Variants in BPIFB1 observed in about 807,000 individuals in gnomAD.
BPIFB1 encodes BPI fold containing family B member 1, also known as BPI fold-containing family B member 1.
A neutral mutation model predicts 55.1 loss-of-function variants in BPIFB1; 34 were observed. The observed-to-expected ratio is 0.62, with a 90% CI of 0.47 to 0.82. The LOEUF (loss-of-function observed/expected upper bound fraction) is 0.82, where lower values mean the gene tolerates loss of function less well. BPIFB1 is among the 40% of genes least tolerant of loss of function. The pLI, the probability that BPIFB1 is intolerant of heterozygous loss-of-function variation, is 0.00. For missense variants in BPIFB1, 532 were observed against 593.1 expected, an observed-to-expected ratio of 0.90 and a Z score of 1.07; for synonymous variants, 236 against 245.3, an observed-to-expected ratio of 0.96 and a Z score of 0.35.
intron 7 of BPIFB1, chr20:33,299,331 G>T (rs192894232): frequency 2.0e-4 from 77 of 381,470 alleles, no homozygotes; most frequent in South Asian, 5.3e-4. Context: ...GAATTCTGAC[G>T]CGAACACGAG....
intron 6 of BPIFB1, 53 bp downstream of exon 6, chr20:33,292,041 C>A: frequency 6.5e-7 from 1 of 1,540,008 alleles, no homozygotes; most frequent in Non-Finnish European, 9.0e-7. Flanking sequence ...CCCTGTGGGG[C>A]TTGGGTGGAA....
chr20:33,298,412 C>T (rs756570457), intron 7 of BPIFB1, among the ~76,000 whole-genome samples: 9 of 152,128 alleles, frequency 5.9e-5, no homozygotes, highest in Non-Finnish European at 1.0e-4. Flanking sequence ...TGGAAACTGG[C>T]GGAGAAGAAG....
intron 4 of BPIFB1, among the ~76,000 whole-genome samples, chr20:33,290,710 G>C (rs4911312): frequency 6.6e-6 from 1 of 152,198 alleles, no homozygotes; most frequent in Non-Finnish European, 1.5e-5. Flanking sequence ...TGAGAAGCCC[G>C]TGAGACATCG....
intron 14 of BPIFB1, chr20:33,306,643 A>C (rs1981035697): frequency 4.1e-6 from 2 of 483,240 alleles, no homozygotes. Flanking sequence ...TGCTGGGGAT[A>C]ATGGGAGCCC....
At chr20:33,299,048 T>A (rs1247060223) in intron 7 of BPIFB1, 1 of 396,018 alleles carries the variant, frequency 2.5e-6, no homozygotes, top group South Asian at 1.8e-5. Flanking sequence ...ATGCTCATCG[T>A]CTCTATGTCC....
intron 9 of BPIFB1, 36 bp from the exon 10 acceptor site, chr20:33,302,323 C>A: frequency 6.2e-7 from 1 of 1,611,488 alleles, no homozygotes; most frequent in Non-Finnish European, 8.5e-7. Context: ...TCCCTGTGCC[C>A]TCCAACTGAC....
chr20:33,291,926 G>A lies in BPIFB1; in HGVS notation c.535G>A (p.Ala179Thr), dbSNP rs1318132308. ...LLHKLSFLVN[A>T]LAKQVMNLLV... ...TGAAAGGCTCTCCTTCCTGGTGAAC[G>A]CCTTAGCTAAGCAGGTCATGAACCT... Residue 179 changes from alanine to threonine, a missense_variant, in exon 6 of 16, where the codon GCC becomes ACC. By Grantham distance (58) the Ala-to-Thr change is moderately conservative. Coordinates refer to ENST00000253354, the MANE Select transcript of BPIFB1 (RefSeq NM_033197.3). 4 of 1,614,154 alleles carry A rather than the reference G, an allele frequency of 2.5e-6. No individual in the cohort carries two copies. Among genetic ancestry groups the A allele is most frequent in the East Asian group, 4.5e-5 (2 of 44,882 alleles).
intron 15 of BPIFB1, chr20:33,308,073 G>A (rs6059239): frequency 0.024 from 3,710 of 152,280 alleles, 136 homozygotes; most frequent in African/African-American, 0.08. Flanking sequence ...CAATCATAGC[G>A]GAAGGCAAAG....
intron 9 of BPIFB1, among the ~76,000 whole-genome samples, chr20:33,301,697 C>T (rs1389311549): frequency 6.6e-6 from 1 of 152,182 alleles, no homozygotes; most frequent in African/African-American, 2.4e-5. Context: ...TGCAGTAGTC[C>T]AGGGGTGATA....
chr20:33,306,686 G>A lies in BPIFB1; in HGVS notation c.1319-225G>A, dbSNP rs1981037206. 4.2e-5 allele frequency: 24 copies of A among 574,650 alleles called. No individual in the cohort carries two copies. In the South Asian group the frequency reaches 4.6e-4, roughly 11 times the overall value. 35.6% of individuals were successfully genotyped at this position (574,650 alleles called of 1,614,324 possible). On this transcript the variant is annotated intron_variant, in intron 14 of 15. Coordinates refer to ENST00000253354, the MANE Select transcript of BPIFB1 (RefSeq NM_033197.3). ...TTCTTGAGCAAGAGCGTAAGAGAATGTGAGGACTGCATTTTGTGAGGGGCC... is the reference window on the plus strand; with the variant it reads ...TTCTTGAGCAAGAGCGTAAGAGAATATGAGGACTGCATTTTGTGAGGGGCC...
At chr20:33,289,397 A>AC (rs201181077) in intron 3 of BPIFB1, among the ~76,000 whole-genome samples, 14 of 149,256 alleles carry the variant, frequency 9.4e-5, no homozygotes, top group Admixed American at 2.7e-4. Context: ...AAAAAAAACA[A>AC]AAAAAAAAAA....
rs1438109361 is a variant in BPIFB1 at position 33,301,350 on chromosome 20, G to A, written c.865G>A (p.Val289Met). Reference protein sequence around the residue: ...PFSLIVSQDVVKAAVAAVLSP... With the variant: ...PFSLIVSQDVMKAAVAAVLSP... ...CAGCCTCATCGTGAGTCAGGACGTGGTGAAAGCTGCAGTGGCTGCTGTGCT... is the reference window on the plus strand; with the variant it reads ...CAGCCTCATCGTGAGTCAGGACGTGATGAAAGCTGCAGTGGCTGCTGTGCT... The change falls in exon 9 of 16, where the codon GTG becomes ATG. Residue 289 changes from valine to methionine, a missense_variant. Val to Met is a conservative substitution (Grantham distance 21). Coordinates refer to ENST00000253354, the MANE Select transcript of BPIFB1 (RefSeq NM_033197.3). The A allele has an allele frequency of 2.5e-6, 4 of 1,614,070 alleles. No homozygotes were observed. The highest frequency in any genetic ancestry group is 3.4e-6 in the Non-Finnish European group (4 of 1,180,044).
At chr20:33,298,798 T>C (rs1980740369) in intron 7 of BPIFB1, 1 of 166,552 alleles carries the variant, frequency 6.0e-6, no homozygotes, top group African/African-American at 2.4e-5. Flanking sequence ...TTTTTTCTTT[T>C]TTTTTTTTTT....
chr20:33,305,031 T>C, intron 13 of BPIFB1, 140 bp downstream of exon 13: 1 of 897,032 alleles, frequency 1.1e-6, no homozygotes, highest in Non-Finnish European at 1.8e-6. Flanking sequence ...TCCACCAAAG[T>C]CCAACTTCCC....
chr20:33,293,672 C>T (rs1420653644), intron 6 of BPIFB1, among the ~76,000 whole-genome samples: 2 of 152,016 alleles, frequency 1.3e-5, no homozygotes, highest in East Asian at 1.9e-4. Context: ...CCCATCTCTA[C>T]AGAAAAATAA....
intron 15 of BPIFB1, among the ~76,000 whole-genome samples, chr20:33,308,230 C>T (rs1194032186): frequency 6.6e-6 from 1 of 152,206 alleles, no homozygotes; most frequent in African/African-American, 2.4e-5. Context: ...AAGAAACCAG[C>T]CCCATGATCC....
rs17122729 is a variant in BPIFB1 at position 33,287,172 on chromosome 20, A to G, written c.115+984A>G. On this transcript the variant is annotated intron_variant, in intron 2 of 15. Coordinates refer to ENST00000253354, the MANE Select transcript of BPIFB1 (RefSeq NM_033197.3). ...AGCTCAAGCATGTGGAATTTCAGCC[A>G]GAAGGAGCTTAGAGATGAACAACCA... Among the ~76,000 whole-genome samples the G allele has an allele frequency of 1.7e-3, 263 of 152,370 alleles. 2 individuals are homozygous for G. The East Asian group carries it at 0.019, about 11-fold the overall frequency.
chr20:33,290,142 C>T, intron 4 of BPIFB1, 150 bp downstream of exon 4: 1 of 658,730 alleles, frequency 1.5e-6, no homozygotes, highest in Non-Finnish European at 2.7e-6. Flanking sequence ...AGTGTACTTG[C>T]CTTGCTCAAA....
chr20:33,301,344 G>A lies in BPIFB1; in HGVS notation c.859G>A (p.Asp287Asn), dbSNP rs34548457. 6.2e-7 allele frequency: 1 copy of A among 1,614,154 alleles called. No individual in the cohort carries two copies. Reference sequence around the variant, plus strand: ...CCCGTTCAGCCTCATCGTGAGTCAGGACGTGGTGAAAGCTGCAGTGGCTGC... The same window carrying A: ...CCCGTTCAGCCTCATCGTGAGTCAGAACGTGGTGAAAGCTGCAGTGGCTGC... ...NIPFSLIVSQ[D>N]VVKAAVAAVL... Residue 287 changes from aspartate (D) to asparagine (N), a missense_variant, in exon 9 of 16, where the codon GAC (aspartate) becomes AAC (asparagine). Physicochemically the swap from Asp to Asn is conservative, Grantham distance 23 (BLOSUM62 1). Coordinates refer to ENST00000253354, the MANE Select transcript of BPIFB1 (RefSeq NM_033197.3).
Sources: allele counts gnomAD v4.1 joint callset (sites outside exome capture counted in the v4.1 genomes callset), GRCh38; gene constraint gnomAD v4.1.1; transcripts MANE v1.5; gene names NCBI Gene and HGNC (gene_info 2026-07-23, HGNC 2026-07-21).